Variants in C7orf78 observed in about 807,000 individuals in gnomAD.
C7orf78 encodes the protein putative uncharacterized protein C7orf78.
the C7orf78 span, among the ~76,000 whole-genome samples, chr7:12,540,680 C>A: frequency 1.3e-5 from 2 of 152,328 alleles, no homozygotes; most frequent in African/African-American, 4.8e-5. Flanking sequence ...GTTTGGCCAA[C>A]AGAGTATAGT....
At chr7:12,527,515 G>A in the C7orf78 span, among the ~76,000 whole-genome samples, 1 of 95,146 alleles carries the variant, frequency 1.1e-5, no homozygotes, top group Admixed American at 1.1e-4. Flanking sequence ...TATGCTGTGT[G>A]TCACTCACTT....
At chr7:12,521,312 T>C in the C7orf78 span, among the ~76,000 whole-genome samples, 2 of 152,080 alleles carry the variant, frequency 1.3e-5, no homozygotes, top group Middle Eastern at 3.2e-3. Flanking sequence ...CTTCTCATTG[T>C]TTATCTTTGT....
the C7orf78 span, among the ~76,000 whole-genome samples, chr7:12,524,871 A>G: frequency 6.6e-6 from 1 of 152,114 alleles, no homozygotes; most frequent in Non-Finnish European, 1.5e-5. Flanking sequence ...TAACAGACTT[A>G]AAAACTTGAG....
the C7orf78 span, among the ~76,000 whole-genome samples, chr7:12,484,333 T>C: frequency 6.6e-6 from 1 of 152,178 alleles, no homozygotes; most frequent in African/African-American, 2.4e-5. Context: ...TAAAAAGTAT[T>C]CATTTGTGTA....
chr7:12,509,909 C>T, the C7orf78 span, among the ~76,000 whole-genome samples: 1 of 151,904 alleles, frequency 6.6e-6, no homozygotes, highest in Non-Finnish European at 1.5e-5. Flanking sequence ...TGGCGGGTGC[C>T]TGTAATCCCA....
chr7:12,514,836 T>G, the C7orf78 span, among the ~76,000 whole-genome samples: 2 of 152,160 alleles, frequency 1.3e-5, no homozygotes, highest in Non-Finnish European at 2.9e-5. Context: ...TCCCTCAAAA[T>G]TTGCTTCTCT....
the C7orf78 span, among the ~76,000 whole-genome samples, chr7:12,539,940 G>A: frequency 6.6e-6 from 1 of 152,172 alleles, no homozygotes; most frequent in Non-Finnish European, 1.5e-5. Context: ...TTTTTAAGAG[G>A]CCTGAAGGTG....
the C7orf78 span, among the ~76,000 whole-genome samples, chr7:12,484,302 G>C: frequency 6.6e-6 from 1 of 152,038 alleles, no homozygotes; most frequent in Non-Finnish European, 1.5e-5. Flanking sequence ...CAATTATGGA[G>C]GAAATGTGAC....
chr7:12,536,809 G>A, the C7orf78 span, among the ~76,000 whole-genome samples: 1 of 152,076 alleles, frequency 6.6e-6, no homozygotes, highest in African/African-American at 2.4e-5. Flanking sequence ...TCTAGGCCGG[G>A]GGCAAAATGC....
the C7orf78 span, among the ~76,000 whole-genome samples, chr7:12,514,855 CTTTA>C: frequency 1.3e-5 from 2 of 152,060 alleles, no homozygotes; most frequent in Non-Finnish European, 2.9e-5. Context: ...CTGGGAAAGA[CTTTA>C]TTTATCCTGT....
chr7:12,507,496 C>T, the C7orf78 span: 3 of 205,596 alleles, frequency 1.5e-5, no homozygotes, highest in Admixed American at 4.5e-5. Flanking sequence ...GTTGACATAC[C>T]TGGAATGTAG....
At chr7:12,505,030 A>G in the C7orf78 span, among the ~76,000 whole-genome samples, 1 of 151,990 alleles carries the variant, frequency 6.6e-6, no homozygotes, top group African/African-American at 2.4e-5. Flanking sequence ...TCCTTTTTTT[A>G]TTAGCAAATT....
chr7:12,488,897 G>A, the C7orf78 span, among the ~76,000 whole-genome samples: 1 of 144,348 alleles, frequency 6.9e-6, no homozygotes, highest in Non-Finnish European at 1.5e-5. Flanking sequence ...CAATATGTGT[G>A]GAGGGGGTTT....
chr7:12,521,404 G>A, the C7orf78 span, among the ~76,000 whole-genome samples: 9,269 of 150,428 alleles, frequency 0.062, 341 homozygotes, highest in African/African-American at 0.11. Flanking sequence ...TTTTCTTTCT[G>A]ATTAGTATGG....
the C7orf78 span, among the ~76,000 whole-genome samples, chr7:12,527,739 G>C: frequency 6.8e-6 from 1 of 147,978 alleles, no homozygotes; most frequent in Non-Finnish European, 1.5e-5. Context: ...TACTTTCCTA[G>C]TATATGCTAT....
the C7orf78 span, among the ~76,000 whole-genome samples, chr7:12,512,885 CTGATT>C: frequency 1.3e-5 from 2 of 152,040 alleles, no homozygotes; most frequent in African/African-American, 4.8e-5. Flanking sequence ...TCTATTCTTC[CTGATT>C]TAATTTTAGT....
At chr7:12,494,778 C>T in the C7orf78 span, among the ~76,000 whole-genome samples, 1 of 152,188 alleles carries the variant, frequency 6.6e-6, no homozygotes, top group Non-Finnish European at 1.5e-5. Context: ...GCTGCCTCAT[C>T]ACTGAGAAAA....
the C7orf78 span, among the ~76,000 whole-genome samples, chr7:12,514,783 T>C: frequency 6.6e-6 from 1 of 151,498 alleles, no homozygotes; most frequent in Non-Finnish European, 1.5e-5. Flanking sequence ...AGTTTAGGAC[T>C]CCCTTGAGCA....
the C7orf78 span, chr7:12,484,024 C>A: frequency 1.3e-5 from 2 of 151,934 alleles, no homozygotes; most frequent in South Asian, 2.1e-4. Flanking sequence ...AGGTAAAGGT[C>A]GATCTTATGT....
Sources: allele counts gnomAD v4.1 joint callset (sites outside exome capture counted in the v4.1 genomes callset), GRCh38; gene constraint gnomAD v4.1.1; transcripts MANE v1.5; gene names NCBI Gene and HGNC (gene_info 2026-07-23, HGNC 2026-07-21).